CNTNAP2: variants seen among roughly 807,000 people sequenced by gnomAD.
CNTNAP2 encodes the protein contactin associated protein 2, also known as contactin-associated protein-like 2.
CNTNAP2 carries 98 observed loss-of-function variants against 155.2 expected under a neutral mutation model. The ratio of observed to expected loss-of-function variants is 0.63; its 90% CI spans 0.54 to 0.75. CNTNAP2 has a LOEUF of 0.75. Ranked by LOEUF, CNTNAP2 falls within the 30% of genes least tolerant of loss-of-function variation. CNTNAP2 has a pLI of 0.00. For missense variants in CNTNAP2, 1,727 were observed against 1,688.1 expected (o/e 1.02, Z -0.40); for synonymous variants, 651 against 631.2 (o/e 1.03, Z -0.47).
intron 15 of CNTNAP2, among the ~76,000 whole-genome samples, chr7:148,004,429 G>T (rs1355931297): frequency 6.6e-6 from 1 of 152,046 alleles, no homozygotes; most frequent in East Asian, 1.9e-4. Flanking sequence ...AATAAGAAAA[G>T]CTCAATTATG....
intron 13 of CNTNAP2, among the ~76,000 whole-genome samples, chr7:147,890,232 A>G (rs893782442): frequency 3.9e-5 from 6 of 152,228 alleles, no homozygotes; most frequent in African/African-American, 1.4e-4. Flanking sequence ...AATAATGATG[A>G]CAGCATAATT....
chr7:147,842,643 C>T (rs1485657541), intron 13 of CNTNAP2, among the ~76,000 whole-genome samples: 1 of 95,438 alleles, frequency 1.0e-5, no homozygotes, highest in Non-Finnish European at 1.9e-5. Flanking sequence ...GCACATTGTG[C>T]AGGTTAGTTA....
At chr7:147,276,409 A>G (rs1308931544) in intron 8 of CNTNAP2, among the ~76,000 whole-genome samples, 1 of 152,032 alleles carries the variant, frequency 6.6e-6, no homozygotes, top group Non-Finnish European at 1.5e-5. Context: ...ATCTAAGCCC[A>G]ATTAAGACCA....
intron 8 of CNTNAP2, among the ~76,000 whole-genome samples, chr7:147,222,250 A>C (rs1449416086): frequency 1.3e-5 from 2 of 151,032 alleles, no homozygotes; most frequent in Admixed American, 1.3e-4. Flanking sequence ...CAGTTGTTGT[A>C]TATTCTGTTA....
rs868319036 is a variant in CNTNAP2, at chr7:146,284,427, A to G, written c.97+167454A>G. Among the ~76,000 whole-genome samples the G allele has an allele frequency of 9.9e-5, 15 of 152,200 alleles. 1 individual carries two copies. Among genetic ancestry groups the G allele is most frequent in the Middle Eastern group, 3.4e-3 (1 of 294 alleles). ...CAAGGTTGATGCTGTTTTCCCCACT[A>G]TATAAATGCAATAATCAAGATTTTG... On this transcript the variant is annotated intron_variant, in intron 1 of 23. Transcript: ENST00000361727.
intron 1 of CNTNAP2, among the ~76,000 whole-genome samples, chr7:146,397,876 A>T (rs1718079): frequency 0.18 from 22,295 of 122,060 alleles, 3,047 homozygotes; most frequent in African/African-American, 0.46. Flanking sequence ...ACAGGCTTTT[A>T]TTTATTTATT....
At chr7:147,577,794 A>G (rs1470780814) in intron 12 of CNTNAP2, among the ~76,000 whole-genome samples, 1 of 152,072 alleles carries the variant, frequency 6.6e-6, no homozygotes. Context: ...ACCATGCAAG[A>G]AAGGCTCACC....
intron 15 of CNTNAP2, among the ~76,000 whole-genome samples, chr7:148,015,216 TAA>T (rs376947146): frequency 1.3e-5 from 2 of 152,222 alleles, no homozygotes; most frequent in Non-Finnish European, 1.5e-5. Context: ...AGTATTTTTT[TAA>T]AAAAGATGCA....
chr7:146,668,263 A>G (rs980575126), intron 1 of CNTNAP2, among the ~76,000 whole-genome samples: 11 of 152,130 alleles, frequency 7.2e-5, no homozygotes, highest in Non-Finnish European at 1.5e-5. Flanking sequence ...GATTTAATGT[A>G]TGATGTTTAT....
At chr7:146,914,319 G>A (rs1406774962) in intron 3 of CNTNAP2, among the ~76,000 whole-genome samples, 1 of 151,890 alleles carries the variant, frequency 6.6e-6, no homozygotes, top group Admixed American at 6.6e-5. Context: ...CCCAGGGCAC[G>A]ATTACTGGAT....
At chr7:146,227,975 T>C (rs1799323216) in intron 1 of CNTNAP2, among the ~76,000 whole-genome samples, 1 of 152,160 alleles carries the variant, frequency 6.6e-6, no homozygotes, top group Non-Finnish European at 1.5e-5. Context: ...AACTTCACTG[T>C]ATTTGGTTTT....
intron 18 of CNTNAP2, among the ~76,000 whole-genome samples, chr7:148,214,820 C>T (rs935192746): frequency 1.3e-5 from 2 of 152,154 alleles, no homozygotes; most frequent in Non-Finnish European, 2.9e-5. Context: ...CCGCCAGCCT[C>T]GACCTACCAA....
rs1201897985 is a variant in CNTNAP2, at chr7:146,352,748, C to CTTTTTTTTTTTTTTT, written c.97+235776_97+235777insTTTTTTTTTTTTTTT. Among the ~76,000 whole-genome samples, 208 of 66,104 alleles carry CTTTTTTTTTTTTTTT rather than the reference C, an allele frequency of 3.1e-3. 3 individuals are homozygous for CTTTTTTTTTTTTTTT. Among genetic ancestry groups the CTTTTTTTTTTTTTTT allele is most frequent in the Middle Eastern group, 0.011 (1 of 88 alleles). The allele number at this position is 66,104 out of a possible 152,430, so 43.4% of individuals were successfully genotyped here. On this transcript the variant is annotated intron_variant, in intron 1 of 23. Transcript: ENST00000361727. ...TCTTATAATTTCAATTAGCATAATT[C>CTTTTTTTTTTTTTTT]TGTTTTTTTTTTTTTTTTTTTTTCG...
intron 14 of CNTNAP2, among the ~76,000 whole-genome samples, chr7:147,916,601 A>G (rs1180705744): frequency 5.3e-5 from 8 of 152,102 alleles, no homozygotes; most frequent in Non-Finnish European, 1.2e-4. Flanking sequence ...GAAAAAAAAA[A>G]AAAAAAATAC....
intron 3 of CNTNAP2, among the ~76,000 whole-genome samples, chr7:146,844,660 C>T (rs1803808368): frequency 6.6e-6 from 1 of 152,046 alleles, no homozygotes; most frequent in African/African-American, 2.4e-5. Context: ...ATATTCGGAG[C>T]CAAAATAGGA....
intron 3 of CNTNAP2, among the ~76,000 whole-genome samples, chr7:146,894,644 CT>C (rs1348627329): frequency 1.8e-4 from 27 of 152,104 alleles, no homozygotes; most frequent in African/African-American, 5.8e-4. Flanking sequence ...GTGCTTTTGC[CT>C]TTTGGTCTGC....
In CNTNAP2 at chr7:147,098,509, T is replaced by A. The variant is rs571879410; in HGVS notation, c.551-9638T>A. 5.4e-4 allele frequency among the ~76,000 whole-genome samples: 82 copies of A among 152,336 alleles called. 1 individual carries two copies. In the East Asian group the frequency reaches 0.012, roughly 22 times the overall value. ...CCCAGTCTTGACACAATGTTATGGA[T>A]GTAGAAGATACTTCAGAGTCCAGAA... On this transcript the variant is annotated intron_variant, in intron 4 of 23. Coordinates refer to ENST00000361727, the MANE Select transcript of CNTNAP2 (RefSeq NM_014141.6).
chr7:146,638,489 TTTTTTTTTTC>T (rs1799645256), intron 1 of CNTNAP2, among the ~76,000 whole-genome samples: 5 of 118,626 alleles, frequency 4.2e-5, no homozygotes, highest in Admixed American at 7.8e-5. Flanking sequence ...TTTTTTTTTT[TTTTTTTTTTC>T]TTTGAGATGG....
intron 3 of CNTNAP2, among the ~76,000 whole-genome samples, chr7:147,020,268 T>C (rs1032600900): frequency 2.0e-5 from 3 of 152,130 alleles, no homozygotes; most frequent in African/African-American, 4.8e-5. Context: ...TAGAATCTAT[T>C]TTTGAATATC....
Sources: gnomAD v4.1 joint callset for allele counts (sites outside exome capture counted in the v4.1 genomes callset) on GRCh38, gnomAD v4.1.1 for gene constraint, MANE v1.5 for transcripts, NCBI Gene and HGNC (gene_info 2026-07-23, HGNC 2026-07-21) for gene names.